PRPF3: variants seen among roughly 807,000 people sequenced by gnomAD.
PRPF3 encodes the protein U4/U6 small nuclear ribonucleoprotein Prp3.
PRPF3 carries 3 observed loss-of-function variants against 89.2 expected under a neutral mutation model. The ratio of observed to expected loss-of-function variants is 0.03; its 90% CI spans 0.02 to 0.09. The LOEUF (loss-of-function observed/expected upper bound fraction) is 0.09, where lower values mean the gene tolerates loss of function less well. Ranked by LOEUF, PRPF3 falls within the 10% of genes least tolerant of loss-of-function variation. PRPF3 has a pLI of 1.00. For synonymous variants in PRPF3, 270 were observed against 289.1 expected (o/e 0.93, Z 0.67); for missense variants, 463 against 828.8 (o/e 0.56, Z 5.42).
In PRPF3 at chr1:150,349,075, T is replaced by G; in HGVS notation, c.1844-82T>G. ...ACACATAAAAAGGGTGATAATATTTTAGAGAGTTTGGGTAGACTTGAATAT... is the reference window on the plus strand; with the variant it reads ...ACACATAAAAAGGGTGATAATATTTGAGAGAGTTTGGGTAGACTTGAATAT... On this transcript the variant is annotated intron_variant, in intron 14 of 15. Coordinates refer to ENST00000324862, the MANE Select transcript of PRPF3 (RefSeq NM_004698.4). The G allele has an allele frequency of 8.0e-6, 9 of 1,130,320 alleles. No homozygotes were observed. The South Asian group carries it at 1.1e-4, about 14-fold the overall frequency. 70.0% of individuals were successfully genotyped at this position (1,130,320 alleles called of 1,614,324 possible).
intron 1 of PRPF3, among the ~76,000 whole-genome samples, chr1:150,323,173 C>CTTTTTTTTTTTGTTTTTTTTTTTTT (rs1655279925): frequency 2.1e-5 from 1 of 48,270 alleles, no homozygotes; most frequent in Non-Finnish European, 3.3e-5. Context: ...CCGCACCTGG[C>CTTTTTTTTTTTGTTTTTTTTTTTTT]TTTTTTTTTT....
At chr1:150,346,920 A>C (rs1161326267) in intron 14 of PRPF3, among the ~76,000 whole-genome samples, 3 of 152,060 alleles carry the variant, frequency 2.0e-5, no homozygotes, top group African/African-American at 7.2e-5. Flanking sequence ...GTGAAACCCC[A>C]TATCTACAAA....
intron 9 of PRPF3, among the ~76,000 whole-genome samples, chr1:150,341,533 G>A (rs1657729369): frequency 6.6e-6 from 1 of 151,060 alleles, no homozygotes; most frequent in Admixed American, 6.6e-5. Flanking sequence ...AGCCTCCTGA[G>A]TAGCTGGGAT....
chr1:150,346,177 C>T (rs782476604), intron 13 of PRPF3, 41 bp downstream of exon 13: 4 of 1,544,180 alleles, frequency 2.6e-6, no homozygotes, highest in Admixed American at 1.7e-5. Flanking sequence ...CCCAGACAAC[C>T]CTAGGCTTAG....
At chr1:150,349,033 A>T in intron 14 of PRPF3, 124 bp from the exon 15 acceptor site, 1 of 834,132 alleles carries the variant, frequency 1.2e-6, no homozygotes, top group South Asian at 1.4e-5. Context: ...GCAACAGAAA[A>T]GAGAACACTT....
At chr1:150,329,017 T>C (rs1175751584) in intron 4 of PRPF3, among the ~76,000 whole-genome samples, 1 of 131,928 alleles carries the variant, frequency 7.6e-6, no homozygotes, top group Non-Finnish European at 1.6e-5. Flanking sequence ...TTTGAATTAG[T>C]GTTTAGCATT....
chr1:150,344,055 G>A (rs1553872174), intron 10 of PRPF3, 107 bp from the exon 11 acceptor site: 1 of 982,574 alleles, frequency 1.0e-6, no homozygotes, highest in African/African-American at 1.6e-5. Flanking sequence ...GTTTAGAGCA[G>A]AGATTTGAAA....
At chr1:150,347,474 T>C (rs1335779271) in intron 14 of PRPF3, among the ~76,000 whole-genome samples, 2 of 152,240 alleles carry the variant, frequency 1.3e-5, no homozygotes, top group African/African-American at 4.8e-5. Flanking sequence ...CTCACACTTA[T>C]AATCTGAGCA....
chr1:150,344,342 G>A, intron 11 of PRPF3, 81 bp downstream of exon 11: 1 of 1,613,796 alleles, frequency 6.2e-7, no homozygotes, highest in East Asian at 2.2e-5. Context: ...TTGGAGGGAG[G>A]GGAGAGTTCT....
intron 5 of PRPF3, 92 bp downstream of exon 5, chr1:150,332,859 A>G: frequency 1.3e-6 from 2 of 1,499,940 alleles, no homozygotes; most frequent in Non-Finnish European, 9.2e-7. Flanking sequence ...AGGTGACTAC[A>G]TGTTTCACTT....
chr1:150,324,377 C>T (rs1472365445), intron 1 of PRPF3, among the ~76,000 whole-genome samples: 2 of 152,190 alleles, frequency 1.3e-5, no homozygotes, highest in Admixed American at 6.5e-5. Flanking sequence ...CCGCAGATTT[C>T]ATTGATCAAC....
intron 9 of PRPF3, among the ~76,000 whole-genome samples, chr1:150,342,530 T>A (rs1287613878): frequency 6.7e-6 from 1 of 150,190 alleles, no homozygotes; most frequent in Non-Finnish European, 1.5e-5. Flanking sequence ...ACACACATGT[T>A]TTTTGAAATG....
chr1:150,325,836 G>C lies in PRPF3; in HGVS notation c.231G>C (p.Arg77Ser). 2 of 1,613,730 alleles carry C rather than the reference G, an allele frequency of 1.2e-6. No individual in the cohort carries two copies. The highest frequency in any genetic ancestry group is 1.7e-6 in the Non-Finnish European group (2 of 1,179,738). ...CTGTGGAGGAAGGCCGAAGCTCTAG[G>C]CATTCCAAGTCTAGCAGTGACAGGA... ...FEAVEEGRSS[R>S]HSKSSSDRSR... is the part of the protein sequence containing the mutation. Residue 77 changes from arginine to serine, a missense_variant, in exon 3 of 16, where the codon AGG (arginine) becomes AGC (serine). Arg to Ser is a moderately radical substitution (Grantham distance 110). Around this residue, in one of 8 missense-constraint regions of PRPF3, gnomAD observed 21 missense variants for 16.6 expected, o/e 1.26. Transcript: ENST00000324862.
At position 150,325,871 on chromosome 1, in the gene PRPF3, G is replaced by T; in HGVS notation, c.266G>T (p.Arg89Leu). ...SKSSSDRSRK[R>L]ELKEVFGDDS... ...TCTAGCAGTGACAGGAGCAGAAAAC[G>T]AGAGCTAAAGGTAGGTTACAATTTA... Residue 89 changes from arginine to leucine, a missense_variant, in exon 3 of 16, where the codon CGA becomes CTA. Arg to Leu is a moderately radical substitution (Grantham distance 102). Around this residue, in one of 8 missense-constraint regions of PRPF3, gnomAD observed 28 missense variants for 48.1 expected, o/e 0.58. Transcript: ENST00000324862. The T allele has an allele frequency of 6.2e-7, 1 of 1,613,058 alleles. No homozygotes were observed. The highest frequency in any genetic ancestry group is 1.1e-5 in the South Asian group (1 of 91,040).
chr1:150,326,858 G>T (rs1239658715), intron 3 of PRPF3, among the ~76,000 whole-genome samples: 1 of 152,106 alleles, frequency 6.6e-6, no homozygotes, highest in African/African-American at 2.4e-5. Context: ...GAGCCCAGGA[G>T]TTACAATTTA....
At chr1:150,342,704 G>A (rs1657889630) in intron 9 of PRPF3, among the ~76,000 whole-genome samples, 1 of 151,966 alleles carries the variant, frequency 6.6e-6, no homozygotes, top group African/African-American at 2.4e-5. Flanking sequence ...TGTATTTTTA[G>A]TGGAGTCAGG....
intron 14 of PRPF3, among the ~76,000 whole-genome samples, chr1:150,347,813 A>G (rs782772184): frequency 4.0e-4 from 61 of 152,248 alleles, no homozygotes; most frequent in Non-Finnish European, 7.2e-4. Context: ...GAATACTTAG[A>G]TTAGCCTACA....
chr1:150,328,505 G>A lies in PRPF3; in HGVS notation c.423+39G>A, dbSNP rs587765091. 8 of 1,514,304 alleles carry A rather than the reference G, an allele frequency of 5.3e-6. No homozygotes were observed. The African/African-American group carries it at 5.6e-5, about 11-fold the overall frequency. 93.8% of individuals were successfully genotyped at this position (1,514,304 alleles called of 1,614,324 possible). ...GACTGGAAGCAAAGTGGTTTTGTGAGTTGAAGAAGCAAAAGGTGCATGGGT... is the reference window on the plus strand; with the variant it reads ...GACTGGAAGCAAAGTGGTTTTGTGAATTGAAGAAGCAAAAGGTGCATGGGT... On this transcript the variant is annotated intron_variant, in intron 4 of 15. Transcript: ENST00000324862.
chr1:150,322,968 A>G (rs1250408873), intron 1 of PRPF3, among the ~76,000 whole-genome samples: 2 of 148,250 alleles, frequency 1.3e-5, no homozygotes, highest in Admixed American at 1.4e-4. Flanking sequence ...TCCGCCTTCC[A>G]TGTTCAAGGG....
Sources: gnomAD v4.1 joint callset for allele counts (sites outside exome capture counted in the v4.1 genomes callset) on GRCh38, gnomAD v4.1.1 for gene constraint, gnomAD v4.1.1 regional missense constraint, MANE v1.5 for transcripts, NCBI Gene and HGNC (gene_info 2026-07-23, HGNC 2026-07-21) for gene names.